Variants in FAT3 observed in about 807,000 individuals in gnomAD.
FAT3 encodes the protein protocadherin Fat 3.
In FAT3, 95 loss-of-function variants were observed where a neutral mutation model predicts 310.2. The observed-to-expected ratio is 0.31, with a 90% CI of 0.26 to 0.36. The LOEUF is 0.36. Ranked by LOEUF, FAT3 falls within the 10% of genes least tolerant of loss-of-function variation. The pLI is 1.00. For synonymous variants in FAT3, 2,314 were observed against 2,192.9 expected (o/e 1.06, Z -1.54); for missense variants, 5,408 against 5,715.6 (o/e 0.95, Z 1.74).
chr11:92,760,922 A>G (rs1251419988), intron 4 of FAT3, among the ~76,000 whole-genome samples: 1 of 152,202 alleles, frequency 6.6e-6, no homozygotes, highest in Non-Finnish European at 1.5e-5. Context: ...TGACATGGAG[A>G]GAGGTGTACA....
chr11:92,697,556 A>G lies in FAT3; in HGVS notation c.3669+111A>G. 4 of 1,055,322 alleles carry G rather than the reference A, an allele frequency of 3.8e-6. No individual in the cohort carries two copies. The South Asian group carries it at 5.5e-5, about 15-fold the overall frequency. 65.4% of individuals were successfully genotyped at this position (1,055,322 alleles called of 1,614,324 possible). A position where few individuals can be genotyped will look rare whatever the true frequency, so the allele number is the denominator to read the frequency against. ...TATTTGAACAGTGGATATCAAAGTGAAGATATTTCTCTTGGGCTGCTATGT... is the reference window on the plus strand; with the variant it reads ...TATTTGAACAGTGGATATCAAAGTGGAGATATTTCTCTTGGGCTGCTATGT... On this transcript the variant is annotated intron_variant, in intron 4 of 27. Transcript: ENST00000525166.
intron 13 of FAT3, among the ~76,000 whole-genome samples, chr11:92,813,006 C>G (rs922687670): frequency 6.6e-6 from 1 of 152,072 alleles, no homozygotes; most frequent in Admixed American, 6.6e-5. Flanking sequence ...AGGGGCTTTT[C>G]CCCCTTTTGT....
intron 13 of FAT3, among the ~76,000 whole-genome samples, chr11:92,824,598 G>A (rs1413913059): frequency 6.6e-6 from 1 of 152,006 alleles, no homozygotes; most frequent in East Asian, 1.9e-4. Flanking sequence ...GTATTTGATT[G>A]CACTCCAAAA....
chr11:92,509,948 A>G (rs527696966), intron 2 of FAT3, among the ~76,000 whole-genome samples: 1 of 152,250 alleles, frequency 6.6e-6, no homozygotes, highest in South Asian at 2.1e-4. Context: ...TTGCCTAGTA[A>G]TTAGTTTGAA....
intron 4 of FAT3, among the ~76,000 whole-genome samples, chr11:92,750,080 C>T (rs898701230): frequency 6.6e-6 from 1 of 152,172 alleles, no homozygotes; most frequent in African/African-American, 2.4e-5. Context: ...GTCAATGTGG[C>T]AGCACATTGG....
chr11:92,680,543 A>T (rs1237748295), intron 3 of FAT3, among the ~76,000 whole-genome samples: 1 of 152,208 alleles, frequency 6.6e-6, no homozygotes, highest in Non-Finnish European at 1.5e-5. Flanking sequence ...AGACAATATG[A>T]TGCTTCCAGC....
chr11:92,578,677 G>C (rs1455902139), intron 3 of FAT3, among the ~76,000 whole-genome samples: 1 of 152,142 alleles, frequency 6.6e-6, no homozygotes, highest in African/African-American at 2.4e-5. Context: ...CCCATTGCTA[G>C]TCCCTGAATC....
intron 2 of FAT3, among the ~76,000 whole-genome samples, chr11:92,496,231 C>T (rs1305050890): frequency 2.0e-5 from 3 of 151,898 alleles, no homozygotes; most frequent in Non-Finnish European, 4.4e-5. Context: ...CAGGCTAAAT[C>T]GAGATTTTGC....
At chr11:92,820,111 T>C (rs1947922154) in intron 13 of FAT3, among the ~76,000 whole-genome samples, 2 of 152,320 alleles carry the variant, frequency 1.3e-5, no homozygotes, top group African/African-American at 2.4e-5. Flanking sequence ...ATGCTTTCTG[T>C]ATTAGTCTGC....
rs568638653 is a variant in FAT3 at position 92,425,883 on chromosome 11, C to T, written c.3292+70479C>T. ...CTTTATAATAGAATGATTTATAATC[C>T]TTTGAGTATATACCTAGCAATGGTA... On this transcript the variant is annotated intron_variant, in intron 2 of 27. Transcript: ENST00000525166. Among the ~76,000 whole-genome samples, 4 of 152,190 alleles carry T rather than the reference C, an allele frequency of 2.6e-5. No individual in the cohort carries two copies. The South Asian group carries it at 8.3e-4, about 32-fold the overall frequency.
rs1044833150 is a variant in FAT3, at chr11:92,224,870, C to G, written c.-322C>G. Among the ~76,000 whole-genome samples, 1 of 152,072 alleles carries G rather than the reference C, an allele frequency of 6.6e-6. No individual in the cohort carries two copies. The highest frequency in any genetic ancestry group is 2.4e-5 in the African/African-American group (1 of 41,424). On this transcript the variant is annotated 5_prime_UTR_variant, in exon 1 of 28. Coordinates refer to ENST00000525166, the MANE Select transcript of FAT3 (RefSeq NM_001367949.2). ...CAGACAGGAGAGCCGGCGCTCCTCC[C>G]CGCAGGCTGCGCTGTGAACTGGCCT...
chr11:92,496,296 A>T (rs1952760364), intron 2 of FAT3, among the ~76,000 whole-genome samples: 1 of 152,054 alleles, frequency 6.6e-6, no homozygotes, highest in South Asian at 2.1e-4. Context: ...TTGTTGCATG[A>T]ATACAATATA....
chr11:92,304,464 C>T (rs907496861), intron 1 of FAT3, among the ~76,000 whole-genome samples: 2 of 152,046 alleles, frequency 1.3e-5, no homozygotes, highest in African/African-American at 4.8e-5. Flanking sequence ...GTGGTCATCT[C>T]CTCTGGAATG....
At position 92,352,836 on chromosome 11, in the gene FAT3, G is replaced by A; in HGVS notation, c.724G>A (p.Gly242Arg). 2 of 1,613,902 alleles carry A rather than the reference G, an allele frequency of 1.2e-6. No individual in the cohort carries two copies. Among genetic ancestry groups the A allele is most frequent in the Admixed American group, 1.7e-5 (1 of 59,990 alleles). The change falls in exon 2 of 28, where the codon GGG becomes AGG. Residue 242 changes from glycine to arginine, a missense_variant. Physicochemically the swap from Gly to Arg is moderately radical, Grantham distance 125. Coordinates refer to ENST00000525166, the MANE Select transcript of FAT3 (RefSeq NM_001367949.2). Reference sequence around the variant, plus strand: ...TGTGGACCGGGGAATGAAACTGTATGGGAACAATGGAGTGAGCAGTACTGC... The same window carrying A: ...TGTGGACCGGGGAATGAAACTGTATAGGAACAATGGAGTGAGCAGTACTGC... ...LAVDRGMKLY[G>R]NNGVSSTAKL...
At chr11:92,785,443 TGTTTGCATGTAATATA>T (rs1946864357) in intron 7 of FAT3, among the ~76,000 whole-genome samples, 3 of 152,100 alleles carry the variant, frequency 2.0e-5, no homozygotes, top group Admixed American at 2.0e-4. Context: ...AAACTATCTC[TGTTTGCATGTAATATA>T]ATTATATATC....
At position 92,397,247 on chromosome 11, in the gene FAT3, G is replaced by A. The variant is rs539576738; in HGVS notation, c.3292+41843G>A. On this transcript the variant is annotated intron_variant, in intron 2 of 27. Transcript: ENST00000525166. ...AACTGCGATTTTTGGGGGGAGTTGGGCACTAAGCAGTACATTTGCCCAGAT... is the reference window on the plus strand; with the variant it reads ...AACTGCGATTTTTGGGGGGAGTTGGACACTAAGCAGTACATTTGCCCAGAT... Among the ~76,000 whole-genome samples, 59 of 152,208 alleles carry A rather than the reference G, an allele frequency of 3.9e-4. No homozygotes were observed. The South Asian group carries it at 0.012, about 31-fold the overall frequency.
chr11:92,435,819 G>A (rs1212960), intron 2 of FAT3, among the ~76,000 whole-genome samples: 3 of 151,622 alleles, frequency 2.0e-5, no homozygotes, highest in East Asian at 2.0e-4. Context: ...CACCTGCCTC[G>A]GCCTCCCAAA....
At chr11:92,465,266 A>G (rs1444802742) in intron 2 of FAT3, among the ~76,000 whole-genome samples, 1 of 152,190 alleles carries the variant, frequency 6.6e-6, no homozygotes, top group Non-Finnish European at 1.5e-5. Flanking sequence ...CTTGCTAGAC[A>G]TTGGTTAGCA....
intron 1 of FAT3, among the ~76,000 whole-genome samples, chr11:92,245,213 C>T (rs1289423333): frequency 6.6e-6 from 1 of 152,060 alleles, no homozygotes; most frequent in Non-Finnish European, 1.5e-5. Flanking sequence ...ATGCTGGAAA[C>T]CAGCATTCTC....
Sources: gnomAD v4.1 joint callset for allele counts (sites outside exome capture counted in the v4.1 genomes callset) on GRCh38, gnomAD v4.1.1 for gene constraint, MANE v1.5 for transcripts, NCBI Gene and HGNC (gene_info 2026-07-23, HGNC 2026-07-21) for gene names.